Variants in KIF3A observed in about 807,000 individuals in gnomAD.
KIF3A encodes kinesin-like protein KIF3A.
A neutral mutation model predicts 92.6 loss-of-function variants in KIF3A; 27 were observed. That is an observed-to-expected ratio of 0.29 (90% CI 0.21 to 0.40). The LOEUF (loss-of-function observed/expected upper bound fraction) is 0.40. KIF3A is among the 10% of genes least tolerant of loss of function. KIF3A has a pLI of 1.00. For synonymous variants in KIF3A, 250 were observed against 275.4 expected (o/e 0.91, Z 0.92); for missense variants, 581 against 872.6 (o/e 0.67, Z 4.21).
At chr5:132,713,889 C>CTT (rs34191042) in intron 8 of KIF3A, among the ~76,000 whole-genome samples, 2,470 of 83,590 alleles carry the variant, frequency 0.03, 54 homozygotes, top group Middle Eastern at 0.062. Flanking sequence ...ATTTCACTTT[C>CTT]TTTTTTTTTT....
intron 17 of KIF3A, 130 bp from the exon 18 acceptor site, chr5:132,699,425 T>A: frequency 2.4e-6 from 2 of 834,360 alleles, no homozygotes. Flanking sequence ...AAATGTCTAA[T>A]GACATCATCT....
At chr5:132,724,809 ATATATATATATATATAT>A (rs1753968575) in intron 4 of KIF3A, among the ~76,000 whole-genome samples, 6 of 10,520 alleles carry the variant, frequency 5.7e-4, no homozygotes, top group East Asian at 1.6e-3. Context: ...AAAAAAAAAT[ATATATATATATATATAT>A]ATATATATAT....
intron 15 of KIF3A, among the ~76,000 whole-genome samples, chr5:132,701,857 C>G (rs1753048559): frequency 6.6e-6 from 1 of 152,102 alleles, no homozygotes; most frequent in Non-Finnish European, 1.5e-5. Context: ...GGGACCTACA[C>G]CTTGATTCTG....
In KIF3A at chr5:132,695,745, C is replaced by T. The variant is rs1752812645; in HGVS notation, c.*889G>A. On this transcript the variant is annotated 3_prime_UTR_variant, in exon 19 of 19. Coordinates refer to ENST00000403231, the MANE Select transcript of KIF3A (RefSeq NM_001300791.2). The stretch of plus-strand genomic sequence containing the variant: ...AGCTGTATTTTCTGGAAAATGGAGA[C>T]TCTTCTTAACTGGGAGACATAAAGT... The T allele has an allele frequency of 6.6e-6, 1 of 152,392 alleles. No homozygotes were observed. The highest frequency in any genetic ancestry group is 1.9e-4 in the East Asian group (1 of 5,322). The allele number at this position is 152,392 out of a possible 1,614,324, so 9.4% of individuals were successfully genotyped here. A position where few individuals can be genotyped will look rare whatever the true frequency, so the allele number is the denominator to read the frequency against.
Position 132,695,683 on chromosome 5 carries a change from T to C in KIF3A, c.*951A>G, listed in dbSNP as rs1752811159. 1 of 152,218 alleles carries C rather than the reference T, an allele frequency of 6.6e-6. No homozygotes were observed. Among genetic ancestry groups the C allele is most frequent in the Admixed American group, 6.5e-5 (1 of 15,272 alleles). The allele number at this position is 152,218 out of a possible 1,614,324, so 9.4% of individuals were successfully genotyped here. A position where few individuals can be genotyped will look rare whatever the true frequency, so the allele number is the denominator to read the frequency against. On this transcript the variant is annotated 3_prime_UTR_variant, in exon 19 of 19. Coordinates refer to ENST00000403231, the MANE Select transcript of KIF3A (RefSeq NM_001300791.2). ...TAGAAAAACAAAATAAAAAAGTGTTTTAAAGGCAAAGTATTTAAAAGATAT... is the reference window on the plus strand; with the variant it reads ...TAGAAAAACAAAATAAAAAAGTGTTCTAAAGGCAAAGTATTTAAAAGATAT...
intron 11 of KIF3A, 105 bp from the exon 12 acceptor site, chr5:132,703,724 C>CA: frequency 1.4e-6 from 1 of 707,322 alleles, no homozygotes; most frequent in Non-Finnish European, 2.3e-6. Context: ...CTCAATAATA[C>CA]AAAACCAATT....
rs893654899 is a variant in KIF3A, at chr5:132,702,718, A to G, written c.1648-50T>C. The G allele has an allele frequency of 5.0e-6, 7 of 1,402,294 alleles. No homozygotes were observed. The East Asian group carries it at 1.4e-4, about 27-fold the overall frequency. 86.9% of individuals were successfully genotyped at this position (1,402,294 alleles called of 1,614,324 possible). A position where few individuals can be genotyped will look rare whatever the true frequency, so the allele number is the denominator to read the frequency against. On this transcript the variant is annotated intron_variant, in intron 13 of 18. Coordinates refer to ENST00000403231, the MANE Select transcript of KIF3A (RefSeq NM_001300791.2). ...AGAATAAATTTCTTTGTAAAATCAA[A>G]TATCTAATTCTTTAACAAATGACAT...
At chr5:132,724,765 A>G (rs1394582887) in intron 4 of KIF3A, among the ~76,000 whole-genome samples, 7 of 141,554 alleles carry the variant, frequency 4.9e-5, no homozygotes, top group Non-Finnish European at 7.5e-5. Flanking sequence ...CACGTCGTGC[A>G]CATGTACCCT....
At chr5:132,713,889 CTT>C (rs34191042) in intron 8 of KIF3A, among the ~76,000 whole-genome samples, 2 of 83,764 alleles carry the variant, frequency 2.4e-5, no homozygotes, top group African/African-American at 4.8e-5. Context: ...ATTTCACTTT[CTT>C]TTTTTTTTTT....
chr5:132,710,924 A>G, intron 9 of KIF3A, 35 bp downstream of exon 9: 2 of 1,613,456 alleles, frequency 1.2e-6, no homozygotes, highest in Non-Finnish European at 1.7e-6. Context: ...GAAACCACCT[A>G]ATTTCTACAA....
In KIF3A at chr5:132,699,161, C is replaced by G. The variant is rs1215315993; in HGVS notation, c.2132+10G>C. The G allele has an allele frequency of 1.4e-5, 22 of 1,613,428 alleles. 1 individual carries two copies. In the Middle Eastern group the frequency reaches 2.8e-3, roughly 206 times the overall value. On this transcript the variant is annotated intron_variant, in intron 18 of 18. Transcript: ENST00000403231. ...GCCTTCGTTTTACCAGATTCAAGGA[C>G]AGTCCTTACCTTCTCCCTGTCTTTG...
At chr5:132,711,103 A>T in intron 8 of KIF3A, 46 bp from the exon 9 acceptor site, 1 of 1,562,244 alleles carries the variant, frequency 6.4e-7, no homozygotes, top group Non-Finnish European at 8.8e-7. Flanking sequence ...GTACGAAGTC[A>T]TTAGCTATTT....
At chr5:132,707,596 T>C in intron 10 of KIF3A, among the ~76,000 whole-genome samples, 1 of 152,230 alleles carries the variant, frequency 6.6e-6, no homozygotes, top group East Asian at 1.9e-4. Context: ...TGGTTTCTAA[T>C]GCAATTCCAA....
At chr5:132,700,324 T>G in intron 16 of KIF3A, 40 bp from the exon 17 acceptor site, 1 of 1,198,862 alleles carries the variant, frequency 8.3e-7, no homozygotes, top group Non-Finnish European at 1.2e-6. Context: ...AATGTCTTAA[T>G]TAGTAATCAA....
In KIF3A at chr5:132,737,428, C is replaced by G. The variant is rs752105021; in HGVS notation, c.-9G>C. 3.2e-5 allele frequency: 52 copies of G among 1,606,094 alleles called. No individual in the cohort carries two copies. Among genetic ancestry groups the G allele is most frequent in the Non-Finnish European group, 4.4e-5 (52 of 1,176,718 alleles). On this transcript the variant is annotated 5_prime_UTR_variant, in exon 1 of 19. Transcript: ENST00000403231. ...ACTCTCCTCACCGGCATCTTGGCCC[C>G]CTCCCGTGCCCGGCGGACGTCCCCG... is the stretch of plus-strand genomic sequence containing the variant.
intron 11 of KIF3A, among the ~76,000 whole-genome samples, chr5:132,705,204 A>G (rs142248541): frequency 1.6e-3 from 241 of 152,094 alleles, no homozygotes; most frequent in African/African-American, 5.4e-3. Context: ...TACTTATCCC[A>G]TCAGTCATAC....
chr5:132,736,941 G>C (rs910859539), intron 1 of KIF3A: 1 of 325,912 alleles, frequency 3.1e-6, no homozygotes, highest in Admixed American at 4.5e-5. Context: ...CGCCACAAGA[G>C]CAATGACAGC....
chr5:132,710,942 T>G lies in KIF3A; in HGVS notation c.1228+17A>C. ...ACCACCTAATTTCTACAAATCAGAT[T>G]ACTAAACAGAACTTACCCCTTCTTT... is the stretch of plus-strand genomic sequence containing the variant. On this transcript the variant is annotated intron_variant, in intron 9 of 18. Transcript: ENST00000403231. 6.2e-7 allele frequency: 1 copy of G among 1,613,778 alleles called. No individual in the cohort carries two copies. Among genetic ancestry groups the G allele is most frequent in the Non-Finnish European group, 8.5e-7 (1 of 1,179,836 alleles).
At chr5:132,716,211 C>A in intron 7 of KIF3A, 34 bp downstream of exon 7, 1 of 1,489,632 alleles carries the variant, frequency 6.7e-7, no homozygotes, top group Non-Finnish European at 9.3e-7. Flanking sequence ...CTTAAATTTG[C>A]CTGATGTTAA....
Sources: gnomAD v4.1 joint callset for allele counts (sites outside exome capture counted in the v4.1 genomes callset) on GRCh38, gnomAD v4.1.1 for gene constraint, MANE v1.5 for transcripts, NCBI Gene and HGNC (gene_info 2026-07-23, HGNC 2026-07-21) for gene names.